TXLNA: variants seen among roughly 807,000 people sequenced by gnomAD.
TXLNA encodes the protein alpha-taxilin.
A neutral mutation model predicts 61.4 loss-of-function variants in TXLNA; 9 were observed. The ratio of observed to expected loss-of-function variants is 0.15; its 90% confidence interval spans 0.09 to 0.26. TXLNA has a LOEUF of 0.26. TXLNA is among the 10% of genes least tolerant of loss of function. The pLI is 1.00. For synonymous variants in TXLNA, 257 were observed against 267.7 expected (o/e 0.96, Z 0.39); for missense variants, 565 against 688.8 (o/e 0.82, Z 2.01).
At chr1:32,182,785 C>T (rs1327630894) in intron 3 of TXLNA, among the ~76,000 whole-genome samples, 3 of 151,268 alleles carry the variant, frequency 2.0e-5, no homozygotes, top group Admixed American at 6.6e-5. Context: ...ATCTTAGGGA[C>T]GACTAGGCAG....
At chr1:32,180,198 C>T (rs1253485014) in intron 1 of TXLNA, 116 bp from the exon 2 acceptor site, 3 of 1,146,372 alleles carry the variant, frequency 2.6e-6, no homozygotes, top group African/African-American at 1.6e-5. Flanking sequence ...GCCCTCCGCC[C>T]GGGCCTGCCG....
Position 32,180,514 on chromosome 1 carries a change from G to A in TXLNA, c.169G>A (p.Gly57Arg), listed in dbSNP as rs1282120345. The A allele has an allele frequency of 6.3e-7, 1 of 1,597,412 alleles. No individual in the cohort carries two copies. Residue 57 changes from glycine (G) to arginine (R), a missense_variant and splice_region_variant, in exon 2 of 11, where the codon GGG becomes AGG. Transcript: ENST00000373610. ...GSSQAPRKPE[G>R]AQARTAQSGA... Reference sequence around the variant, plus strand: ...CAGCCAGGCTCCTCGGAAGCCGGAGGGTGTGTGCCAGCTCTGCGTTGCCAG... The same window carrying A: ...CAGCCAGGCTCCTCGGAAGCCGGAGAGTGTGTGCCAGCTCTGCGTTGCCAG...
At chr1:32,182,101 T>TTTTTTG (rs1642676885) in intron 3 of TXLNA, among the ~76,000 whole-genome samples, 1 of 148,688 alleles carries the variant, frequency 6.7e-6, no homozygotes, top group East Asian at 2.0e-4. Flanking sequence ...AGTCAGGCTT[T>TTTTTTG]TTTTTTTTTT....
intron 10 of TXLNA, 63 bp downstream of exon 10, chr1:32,194,223 C>T (rs1642966158): frequency 3.0e-6 from 4 of 1,327,838 alleles, no homozygotes; most frequent in African/African-American, 1.4e-5. Context: ...CAGGCCCTTT[C>T]CTGTATGTTC....
At chr1:32,183,799 C>A (rs556779543) in intron 3 of TXLNA, among the ~76,000 whole-genome samples, 12 of 151,354 alleles carry the variant, frequency 7.9e-5, no homozygotes, top group Admixed American at 5.9e-4. Flanking sequence ...TGCAGTGGCG[C>A]GATCTGGGCT....
chr1:32,195,617 C>CA lies in TXLNA; in HGVS notation c.*423dup. 2.4e-6 allele frequency: 1 copy of CA among 420,068 alleles called. No individual in the cohort carries two copies. Among genetic ancestry groups the CA allele is most frequent in the Admixed American group, 3.0e-5 (1 of 33,566 alleles). 26.0% of individuals were successfully genotyped at this position (420,068 alleles called of 1,614,324 possible). On this transcript the variant is annotated 3_prime_UTR_variant, in exon 11 of 11. Coordinates refer to ENST00000373610, the MANE Select transcript of TXLNA (RefSeq NM_175852.4). ...AAGTAATACACCCAGGTCTTGACTG[C>CA]ATTTGTCTTGTGAGCAGGGCTTGCT...
In TXLNA at chr1:32,180,679, A is replaced by T. The variant is rs1368277807; in HGVS notation, c.169+165A>T. The stretch of plus-strand genomic sequence containing the variant: ...CCCCTGCGCTCTGGCGAGTTGGCGG[A>T]GCTGCCCCCTCTAAGCACAGGAACA... On this transcript the variant is annotated intron_variant, in intron 2 of 10. Coordinates refer to ENST00000373610, the MANE Select transcript of TXLNA (RefSeq NM_175852.4). Among the ~76,000 whole-genome samples, 3 of 152,254 alleles carry T rather than the reference A, an allele frequency of 2.0e-5. No homozygotes were observed. In the East Asian group the frequency reaches 5.8e-4, roughly 29 times the overall value.
chr1:32,180,802 C>T (rs1328033421), intron 2 of TXLNA, among the ~76,000 whole-genome samples: 1 of 151,768 alleles, frequency 6.6e-6, no homozygotes, highest in Non-Finnish European at 1.5e-5. Context: ...ACCTCAGCCA[C>T]CAGCAGCTAA....
In TXLNA at chr1:32,180,449, G is replaced by C. The variant is rs776145305; in HGVS notation, c.104G>C (p.Ser35Thr). The C allele has an allele frequency of 6.2e-7, 1 of 1,613,348 alleles. No homozygotes were observed. Among genetic ancestry groups the C allele is most frequent in the Admixed American group, 1.7e-5 (1 of 59,874 alleles). Reference protein sequence around the residue: ...AGPEGAQERPSQAAPAVEAEG... With the variant: ...AGPEGAQERPTQAAPAVEAEG... Reference sequence around the variant, plus strand: ...CCCGAGGGAGCCCAGGAGCGGCCCAGCCAGGCGGCTCCTGCAGTAGAAGCA... The same window carrying C: ...CCCGAGGGAGCCCAGGAGCGGCCCACCCAGGCGGCTCCTGCAGTAGAAGCA... The change falls in exon 2 of 11, where the codon AGC (serine) becomes ACC (threonine). Residue 35 changes from serine (S) to threonine (T), a missense_variant. By Grantham distance (58) the Ser-to-Thr change is moderately conservative. Coordinates refer to ENST00000373610, the MANE Select transcript of TXLNA (RefSeq NM_175852.4).
chr1:32,188,244 TA>T, intron 5 of TXLNA, 120 bp downstream of exon 5: 1 of 1,055,746 alleles, frequency 9.5e-7, no homozygotes, highest in Non-Finnish European at 1.3e-6. Context: ...GTGGCACACA[TA>T]AGTGATTAAA....
chr1:32,183,917 G>A (rs138694426), intron 3 of TXLNA, among the ~76,000 whole-genome samples: 289 of 150,100 alleles, frequency 1.9e-3, no homozygotes, highest in African/African-American at 6.8e-3. Flanking sequence ...TTTTGTGTAT[G>A]TCTTTAGTAG....
chr1:32,194,252 C>T, intron 10 of TXLNA, 92 bp downstream of exon 10: 1 of 1,023,704 alleles, frequency 9.8e-7, no homozygotes. Context: ...AGTGACACAG[C>T]TAGCATGAGG....
chr1:32,189,777 G>A (rs1376235183), intron 5 of TXLNA, among the ~76,000 whole-genome samples: 1 of 151,994 alleles, frequency 6.6e-6, no homozygotes, highest in Non-Finnish European at 1.5e-5. Context: ...TCCTGACCTC[G>A]TGATCCGCCC....
chr1:32,183,445 T>TG (rs1315863306), intron 3 of TXLNA, among the ~76,000 whole-genome samples: 1 of 132,484 alleles, frequency 7.5e-6, no homozygotes, highest in East Asian at 2.2e-4. Flanking sequence ...TTTTTTTTTT[T>TG]GAGATGGAGC....
Position 32,194,140 on chromosome 1 carries a change from C to T in TXLNA, c.1327C>T (p.Leu443=). The change falls in exon 10 of 11, where the codon CTG becomes TTG. Residue 443 remains leucine, a synonymous_variant. Coordinates refer to ENST00000373610, the MANE Select transcript of TXLNA (RefSeq NM_175852.4). ...RSRWESSNKA[L]LEMAEEKTVR... is the part of the protein sequence containing the mutation. ...CCGGTGGGAGAGCAGCAACAAGGCC[C>T]TGCTTGAGATGGCTGAGGAGGTGGG... The T allele has an allele frequency of 6.2e-7, 1 of 1,613,816 alleles. No homozygotes were observed. The highest frequency in any genetic ancestry group is 8.5e-7 in the Non-Finnish European group (1 of 1,179,860).
At position 32,192,371 on chromosome 1, in the gene TXLNA, C is replaced by T; in HGVS notation, c.1024C>T (p.Gln342Ter). 1 of 1,614,218 alleles carries T rather than the reference C, an allele frequency of 6.2e-7. No individual in the cohort carries two copies. The highest frequency in any genetic ancestry group is 8.5e-7 in the Non-Finnish European group (1 of 1,180,038). The change falls in exon 7 of 11, where the codon CAG becomes TAG. Residue 342 changes from glutamine (Q) to a stop codon, truncating the protein, a stop_gained. Coordinates refer to ENST00000373610, the MANE Select transcript of TXLNA (RefSeq NM_175852.4). LOFTEE classifies it high-confidence loss of function. This position sits in a 1 kb window ranked among gnomAD's most constrained non-coding sequence, Gnocchi z 4.2. ...LQQQLVDAKL[Q>*]QAQEMLKEAE... ...ACAGCAGCTGGTGGATGCCAAGCTC[C>T]AGCAGGCCCAGGAGATGCTAAAGGA...
intron 4 of TXLNA, among the ~76,000 whole-genome samples, chr1:32,186,518 G>A (rs1642792815): frequency 6.6e-6 from 1 of 152,158 alleles, no homozygotes; most frequent in Non-Finnish European, 1.5e-5. Flanking sequence ...TTATAGTACT[G>A]GTGTAAAGCA....
At chr1:32,193,936 C>A in intron 9 of TXLNA, 129 bp from the exon 10 acceptor site, 1 of 673,502 alleles carries the variant, frequency 1.5e-6, no homozygotes, top group Non-Finnish European at 2.6e-6. Flanking sequence ...TGACTGCATC[C>A]TGTAATGCCT....
chr1:32,193,788 C>G (rs1642956786), intron 9 of TXLNA, among the ~76,000 whole-genome samples: 1 of 151,806 alleles, frequency 6.6e-6, no homozygotes, highest in Admixed American at 6.6e-5. Flanking sequence ...AACTCTTGGC[C>G]TCAAGTGATC....
Sources: gnomAD v4.1 joint callset for allele counts (sites outside exome capture counted in the v4.1 genomes callset) on GRCh38, gnomAD v4.1.1 for gene constraint, Gnocchi (gnomAD v3.1) non-coding constraint, MANE v1.5 for transcripts, NCBI Gene and HGNC (gene_info 2026-07-23, HGNC 2026-07-21) for gene names.